CLTC: variants seen among roughly 807,000 people sequenced by gnomAD.
CLTC encodes clathrin heavy chain 1.
A neutral mutation model predicts 195.8 loss-of-function variants in CLTC; 16 were observed. That is an observed-to-expected ratio of 0.08 (90% CI 0.06 to 0.12). The LOEUF is 0.12. Ranked by LOEUF, CLTC falls within the 10% of genes least tolerant of loss-of-function variation. The probability of loss-of-function intolerance (pLI) is 1.00; values close to 1 mark genes in which losing one functional copy is unlikely to be tolerated. For missense variants in CLTC, 796 were observed against 2,027.0 expected (o/e 0.39, Z 11.66); for synonymous variants, 667 against 689.4 (o/e 0.97, Z 0.51).
intron 13 of CLTC, 108 bp from the exon 14 acceptor site, chr17:59,668,669 A>G (rs1051036278): frequency 7.7e-6 from 7 of 914,446 alleles, no homozygotes; most frequent in African/African-American, 6.9e-5. Flanking sequence ...TAAGCAACCA[A>G]CTTATATTTG....
intron 6 of CLTC, among the ~76,000 whole-genome samples, chr17:59,656,918 C>G (rs1025179441): frequency 6.6e-6 from 1 of 151,964 alleles, no homozygotes; most frequent in Non-Finnish European, 1.5e-5. Context: ...GTGATCCACC[C>G]GCCCCAGCCT....
chr17:59,620,247 C>A, intron 1 of CLTC, 74 bp downstream of exon 1: 1 of 1,544,982 alleles, frequency 6.5e-7, no homozygotes, highest in Non-Finnish European at 8.9e-7. Flanking sequence ...GAGTCTGGGC[C>A]CGAGCAGTAT....
intron 1 of CLTC, among the ~76,000 whole-genome samples, chr17:59,632,482 G>C (rs543639800): frequency 2.0e-5 from 3 of 151,746 alleles, no homozygotes; most frequent in African/African-American, 4.8e-5. Context: ...TTAGTGTTTG[G>C]AACAGGCCTG....
intron 30 of CLTC, among the ~76,000 whole-genome samples, chr17:59,688,232 G>A (rs1269072119): frequency 1.3e-5 from 2 of 152,158 alleles, no homozygotes; most frequent in Non-Finnish European, 1.5e-5. Flanking sequence ...TGTTTCTTGA[G>A]AGCCTGTATA....
chr17:59,625,109 G>GT (rs1037191372), intron 1 of CLTC, among the ~76,000 whole-genome samples: 28 of 149,488 alleles, frequency 1.9e-4, no homozygotes, highest in African/African-American at 5.7e-4. Flanking sequence ...AGTGTGTGTG[G>GT]TTTTTTTTTC....
At chr17:59,664,031 T>C (rs771801652) in intron 9 of CLTC, 37 bp downstream of exon 9, 17 of 1,568,270 alleles carry the variant, frequency 1.1e-5, no homozygotes, top group African/African-American at 2.7e-5. Context: ...CATGAATTCA[T>C]TGAAGCATTG....
rs1021536221 is a variant in CLTC, at chr17:59,696,654, C to CAAA, written c.*2804_*2806dup. ...GATTGTATCAAGTGTATCTAAAGAT[C>CAAA]AAAAGGGAAAAAAGGCACCCTTAAT... is the stretch of plus-strand genomic sequence containing the variant. On this transcript the variant is annotated 3_prime_UTR_variant, in exon 32 of 32. Transcript: ENST00000269122. The CAAA allele has an allele frequency of 2.4e-5, 5 of 211,806 alleles. No individual in the cohort carries two copies. The highest frequency in any genetic ancestry group is 3.8e-5 in the Non-Finnish European group (4 of 104,740). The allele number at this position is 211,806 out of a possible 1,614,324, so 13.1% of individuals were successfully genotyped here. A position where few individuals can be genotyped will look rare whatever the true frequency, so the allele number is the denominator to read the frequency against.
chr17:59,630,028 G>T (rs1419703716), intron 1 of CLTC, among the ~76,000 whole-genome samples: 1 of 152,158 alleles, frequency 6.6e-6, no homozygotes, highest in Non-Finnish European at 1.5e-5. Context: ...TTTTGAGACA[G>T]GGTCTTGCTC....
chr17:59,660,264 C>A, intron 6 of CLTC, 127 bp from the exon 7 acceptor site: 1 of 772,576 alleles, frequency 1.3e-6, no homozygotes, highest in Non-Finnish European at 2.0e-6. Context: ...TTTTTAATGG[C>A]AGCAAGAAAA....
Position 59,674,148 on chromosome 17 carries a change from GA to G in CLTC, c.2418+386del, listed in dbSNP as rs576442980. On this transcript the variant is annotated intron_variant, in intron 15 of 31. Transcript: ENST00000269122. ...CTAGCAAGCCGACTCAGGGAAGGGG[GA>G]AAAAAAAAACATGCATGCCAAGTGT... 9.5e-3 allele frequency among the ~76,000 whole-genome samples: 1,390 copies of G among 147,080 alleles called. 14 individuals carry two copies. Among genetic ancestry groups the G allele is most frequent in the African/African-American group, 0.031 (1,239 of 40,378 alleles).
intron 30 of CLTC, chr17:59,689,044 A>G (rs2033242761): frequency 1.3e-5 from 2 of 152,176 alleles, no homozygotes; most frequent in Admixed American, 1.3e-4. Context: ...GACATTTCAT[A>G]TGGTACTTAT....
chr17:59,647,379 T>A lies in CLTC; in HGVS notation c.251-19T>A, dbSNP rs764799785. 5.7e-6 allele frequency: 9 copies of A among 1,586,962 alleles called. No individual in the cohort carries two copies. Among genetic ancestry groups the A allele is most frequent in the Non-Finnish European group, 7.8e-6 (9 of 1,158,122 alleles). On this transcript the variant is annotated intron_variant, in intron 2 of 31. Coordinates refer to ENST00000269122, the MANE Select transcript of CLTC (RefSeq NM_004859.4). ...ACTTTACTCTTTTAATGATTTATAATTCTTGATTTTGTTTTTAGCTGGGAA... is the reference window on the plus strand; with the variant it reads ...ACTTTACTCTTTTAATGATTTATAAATCTTGATTTTGTTTTTAGCTGGGAA...
intron 2 of CLTC, among the ~76,000 whole-genome samples, chr17:59,645,838 T>C (rs1259066738): frequency 7.4e-6 from 1 of 135,934 alleles, no homozygotes; most frequent in Non-Finnish European, 1.6e-5. Context: ...TTACTTCTAT[T>C]ACTTCTATTT....
chr17:59,644,598 T>A (rs1023666401), intron 2 of CLTC, 115 bp downstream of exon 2: 2 of 808,788 alleles, frequency 2.5e-6, no homozygotes, highest in African/African-American at 3.5e-5. Flanking sequence ...TCACCCAGGC[T>A]GGAGTGCAAT....
At chr17:59,663,587 A>G (rs1459449840) in intron 8 of CLTC, among the ~76,000 whole-genome samples, 1 of 152,238 alleles carries the variant, frequency 6.6e-6, no homozygotes, top group Admixed American at 6.5e-5. Context: ...TTAACAAGGT[A>G]GTTGATAGTA....
At chr17:59,657,251 G>T (rs1015479557) in intron 6 of CLTC, among the ~76,000 whole-genome samples, 2 of 152,102 alleles carry the variant, frequency 1.3e-5, no homozygotes, top group Non-Finnish European at 2.9e-5. Context: ...ACCTGGTTAG[G>T]TGCTTTTGCT....
At chr17:59,654,787 A>C (rs2032424463) in intron 5 of CLTC, among the ~76,000 whole-genome samples, 1 of 152,184 alleles carries the variant, frequency 6.6e-6, no homozygotes, top group Admixed American at 6.5e-5. Context: ...GGCCTATAAC[A>C]TTTTAAAAGA....
intron 14 of CLTC, among the ~76,000 whole-genome samples, chr17:59,673,402 T>C (rs1372212589): frequency 3.3e-5 from 5 of 152,188 alleles, no homozygotes; most frequent in Admixed American, 2.6e-4. Flanking sequence ...GTTACTCTTG[T>C]TTTTTGGTAA....
chr17:59,690,442 A>C (rs2033271012), intron 30 of CLTC, 194 bp from the exon 31 acceptor site: 1 of 480,506 alleles, frequency 2.1e-6, no homozygotes, highest in Non-Finnish European at 3.7e-6. Context: ...CTGAGGGTTT[A>C]TAATGACAGT....
Sources: gnomAD v4.1 joint callset for allele counts (sites outside exome capture counted in the v4.1 genomes callset) on GRCh38, gnomAD v4.1.1 for gene constraint, MANE v1.5 for transcripts, NCBI Gene and HGNC (gene_info 2026-07-23, HGNC 2026-07-21) for gene names.